The following UVRAG variants were observed in gnomAD, a reference collection of about 807,000 sequenced individuals.
UVRAG encodes the protein UV radiation resistance associated, also known as UV radiation resistance-associated gene protein.
A neutral mutation model predicts 78.0 loss-of-function variants in UVRAG; 19 were observed. That is an observed-to-expected ratio of 0.24 (90% CI 0.17 to 0.36). UVRAG has a LOEUF of 0.36. UVRAG is among the 10% of genes least tolerant of loss of function. The pLI, the probability that UVRAG is intolerant of heterozygous loss-of-function variation, is 1.00. For synonymous variants in UVRAG, 323 were observed against 324.6 expected, an observed-to-expected ratio of 1.00 and a Z score of 0.05; for missense variants, 740 against 853.8, an observed-to-expected ratio of 0.87 and a Z score of 1.66.
chr11:76,138,733 C>T (rs971577074), intron 14 of UVRAG, among the ~76,000 whole-genome samples: 3 of 152,186 alleles, frequency 2.0e-5, no homozygotes, highest in African/African-American at 4.8e-5. Context: ...TTCAGTGTTC[C>T]GGGCTGTTTC....
intron 1 of UVRAG, 82 bp downstream of exon 1, chr11:75,815,606 C>A: frequency 1.1e-6 from 1 of 876,586 alleles, no homozygotes; most frequent in Non-Finnish European, 1.5e-6. Context: ...GCTGACCCCG[C>A]GAGCCGGGAC....
intron 1 of UVRAG, among the ~76,000 whole-genome samples, chr11:75,828,806 T>TATA (rs1206464158): frequency 2.5e-5 from 2 of 79,014 alleles, no homozygotes; most frequent in South Asian, 7.4e-4. Context: ...TATATATATA[T>TATA]TTTTTTTTTT....
chr11:76,049,631 G>T (rs997551693), intron 12 of UVRAG, among the ~76,000 whole-genome samples: 3 of 152,182 alleles, frequency 2.0e-5, no homozygotes, highest in Admixed American at 6.5e-5. Flanking sequence ...AGTCAGACAG[G>T]CATGGGTTGG....
At chr11:76,051,465 A>G (rs1950865952) in intron 12 of UVRAG, among the ~76,000 whole-genome samples, 1 of 152,192 alleles carries the variant, frequency 6.6e-6, no homozygotes, top group Non-Finnish European at 1.5e-5. Context: ...CTGTTTTTCA[A>G]CAGTTACAAA....
chr11:76,020,152 A>G (rs1440877411), intron 12 of UVRAG, among the ~76,000 whole-genome samples: 1 of 152,074 alleles, frequency 6.6e-6, no homozygotes, highest in African/African-American at 2.4e-5. Context: ...GCTATCACTG[A>G]TGTTCACTTA....
chr11:76,119,657 T>C (rs1047294213), intron 14 of UVRAG, among the ~76,000 whole-genome samples: 2 of 152,210 alleles, frequency 1.3e-5, no homozygotes, highest in African/African-American at 4.8e-5. Context: ...ATCTTATTCA[T>C]CAGCAAGCCC....
intron 8 of UVRAG, among the ~76,000 whole-genome samples, chr11:75,995,017 A>T (rs1469334652): frequency 6.6e-6 from 1 of 152,160 alleles, no homozygotes; most frequent in East Asian, 1.9e-4. Flanking sequence ...TCTGAATTAT[A>T]CAGTCAAGAT....
At chr11:75,983,359 A>T in intron 7 of UVRAG, 28 bp from the exon 8 acceptor site, 1 of 1,543,650 alleles carries the variant, frequency 6.5e-7, no homozygotes, top group South Asian at 1.2e-5. Context: ...TTATATTCAT[A>T]AATATACCTG....
intron 1 of UVRAG, among the ~76,000 whole-genome samples, chr11:75,842,122 A>G (rs1945926395): frequency 6.6e-6 from 1 of 152,186 alleles, no homozygotes; most frequent in South Asian, 2.1e-4. Flanking sequence ...GAATATCCCA[A>G]AAGGACCAGG....
rs1952738649 is a variant in UVRAG at position 76,142,354 on chromosome 11, T to G, written c.*941T>G. On this transcript the variant is annotated 3_prime_UTR_variant, in exon 15 of 15. Transcript: ENST00000356136. ...TAAATTTCAGTCAGAAGGTCAGCATTTACATGACAGAATGTATGTAGAGAG... is the reference window on the plus strand; with the variant it reads ...TAAATTTCAGTCAGAAGGTCAGCATGTACATGACAGAATGTATGTAGAGAG... 1 of 152,252 alleles carries G rather than the reference T, an allele frequency of 6.6e-6. No individual in the cohort carries two copies. Among genetic ancestry groups the G allele is most frequent in the Non-Finnish European group, 1.5e-5 (1 of 68,028 alleles). The allele number at this position is 152,252 out of a possible 1,614,324, so 9.4% of individuals were successfully genotyped here.
At chr11:75,844,919 G>C (rs1946002693) in intron 1 of UVRAG, among the ~76,000 whole-genome samples, 1 of 152,120 alleles carries the variant, frequency 6.6e-6, no homozygotes, top group Non-Finnish European at 1.5e-5. Context: ...GCCCTCCTTG[G>C]CCTCCCAAAG....
chr11:75,995,016 T>C (rs1172610181), intron 8 of UVRAG, among the ~76,000 whole-genome samples: 1 of 152,218 alleles, frequency 6.6e-6, no homozygotes, highest in East Asian at 1.9e-4. Flanking sequence ...TTCTGAATTA[T>C]ACAGTCAAGA....
rs144497094 is a variant in UVRAG at position 76,124,309 on chromosome 11, G to A, written c.1397+8294G>A. On this transcript the variant is annotated intron_variant, in intron 14 of 14. Coordinates refer to ENST00000356136, the MANE Select transcript of UVRAG (RefSeq NM_003369.4). ...GACAAAGAAAGATTCAAAAGTGTAA[G>A]ATTTTCCCTGCCATTGCTTAGTTGA... is the stretch of plus-strand genomic sequence containing the variant. Among the ~76,000 whole-genome samples the A allele has an allele frequency of 7.1e-3, 1,086 of 152,312 alleles. 12 individuals are homozygous for A. The highest frequency in any genetic ancestry group is 0.025 in the African/African-American group (1,029 of 41,560).
At chr11:75,881,850 ATAT>A (rs1946952736) in intron 4 of UVRAG, among the ~76,000 whole-genome samples, 1 of 152,190 alleles carries the variant, frequency 6.6e-6, no homozygotes, top group Non-Finnish European at 1.5e-5. Context: ...GTGAAGTTTG[ATAT>A]TATTGCCCTT....
chr11:76,059,937 G>T (rs1483041746), intron 12 of UVRAG, among the ~76,000 whole-genome samples: 1 of 152,124 alleles, frequency 6.6e-6, no homozygotes, highest in African/African-American at 2.4e-5. Context: ...TTAAAAATTT[G>T]AATTAACTAT....
intron 1 of UVRAG, among the ~76,000 whole-genome samples, chr11:75,828,829 G>A (rs1359001116): frequency 8.2e-6 from 1 of 122,678 alleles, no homozygotes; most frequent in Non-Finnish European, 1.7e-5. Context: ...GTAGAGACAG[G>A]GTTTTGCTGC....
intron 12 of UVRAG, among the ~76,000 whole-genome samples, chr11:76,040,540 G>C (rs1950627489): frequency 6.6e-6 from 1 of 151,180 alleles, no homozygotes; most frequent in Non-Finnish European, 1.5e-5. Flanking sequence ...TTTTTTGTTT[G>C]TTTGTTTGTT....
chr11:76,040,096 A>G (rs540602948), intron 12 of UVRAG, among the ~76,000 whole-genome samples: 1 of 152,242 alleles, frequency 6.6e-6, no homozygotes, highest in African/African-American at 2.4e-5. Flanking sequence ...AATTCATTGC[A>G]GTATATTGTA....
chr11:76,124,088 T>G (rs1172823057), intron 14 of UVRAG, among the ~76,000 whole-genome samples: 1 of 152,230 alleles, frequency 6.6e-6, no homozygotes, highest in African/African-American at 2.4e-5. Flanking sequence ...TAAATGGAGT[T>G]AATACCACCA....
Sources: allele counts gnomAD v4.1 joint callset (sites outside exome capture counted in the v4.1 genomes callset), GRCh38; gene constraint gnomAD v4.1.1; transcripts MANE v1.5; gene names NCBI Gene and HGNC (gene_info 2026-07-23, HGNC 2026-07-21).